The following FDFT1 variants were observed in gnomAD, a reference collection of about 807,000 sequenced individuals.
FDFT1 encodes squalene synthase.
Under a neutral mutation model 46.8 loss-of-function variants are expected in FDFT1, and 68 were observed. The observed-to-expected ratio is 1.45, with a 90% CI of 1.19 to 1.78. The LOEUF (loss-of-function observed/expected upper bound fraction) is 1.78, where lower values mean the gene tolerates loss of function less well. Ranked by LOEUF, FDFT1 falls within the 40% of genes most tolerant of loss-of-function variation. FDFT1 has a pLI of 0.00. For synonymous variants in FDFT1, 351 were observed against 185.1 expected (o/e 1.90, Z -7.28); for missense variants, 928 against 524.4 (o/e 1.77, Z -7.52).
chr8:11,821,356 G>T (rs999968306), intron 3 of FDFT1, among the ~76,000 whole-genome samples: 1 of 152,224 alleles, frequency 6.6e-6, no homozygotes. Flanking sequence ...AGTTTGGGAG[G>T]CCAGGGCTAG....
chr8:11,833,277 A>T (rs946993358), intron 7 of FDFT1, among the ~76,000 whole-genome samples: 1 of 152,144 alleles, frequency 6.6e-6, no homozygotes, highest in Non-Finnish European at 1.5e-5. Flanking sequence ...TCTCAGGGAA[A>T]CTTGAGGCCC....
At chr8:11,804,785 T>C (rs1382547480) in intron 1 of FDFT1, among the ~76,000 whole-genome samples, 1 of 151,932 alleles carries the variant, frequency 6.6e-6, no homozygotes, top group Admixed American at 6.6e-5. Flanking sequence ...TTTTTGGTAT[T>C]TTTAGTAGAG....
At chr8:11,809,457 T>G in intron 2 of FDFT1, 1 of 1,289,392 alleles carries the variant, frequency 7.8e-7, no homozygotes, top group African/African-American at 1.5e-5. Context: ...ACTAGTAGGC[T>G]TTTTAATAAA....
chr8:11,837,312 C>A (rs529414276), intron 7 of FDFT1, among the ~76,000 whole-genome samples: 1 of 152,222 alleles, frequency 6.6e-6, no homozygotes, highest in Non-Finnish European at 1.5e-5. Context: ...ATCACTGCAA[C>A]CTCCACCTCC....
intron 3 of FDFT1, among the ~76,000 whole-genome samples, chr8:11,813,679 AT>A (rs1808042728): frequency 6.6e-6 from 1 of 152,114 alleles, no homozygotes; most frequent in Non-Finnish European, 1.5e-5. Context: ...TCTATGTGGG[AT>A]TTGGCCTTTC....
chr8:11,812,317 A>G (rs935905252), intron 3 of FDFT1, among the ~76,000 whole-genome samples: 6 of 152,190 alleles, frequency 3.9e-5, no homozygotes, highest in African/African-American at 1.4e-4. Flanking sequence ...CCAGGTGGGA[A>G]CGTGCCACCA....
intron 7 of FDFT1, among the ~76,000 whole-genome samples, chr8:11,837,062 G>C (rs1347074542): frequency 1.3e-5 from 2 of 152,230 alleles, no homozygotes; most frequent in East Asian, 3.8e-4. Flanking sequence ...TGGAGCTGCA[G>C]ACAGGTTTTC....
chr8:11,826,408 G>A (rs966293496), intron 5 of FDFT1, among the ~76,000 whole-genome samples, 193 bp downstream of exon 5: 5 of 152,196 alleles, frequency 3.3e-5, no homozygotes, highest in African/African-American at 9.6e-5. Flanking sequence ...TTCACACCAC[G>A]TAATCAGTAT....
intron 4 of FDFT1, 85 bp downstream of exon 4, chr8:11,821,963 G>A (rs71518538): frequency 0.014 from 20,841 of 1,517,368 alleles, 195 homozygotes; most frequent in Middle Eastern, 0.02. Context: ...AAGAAAAGTT[G>A]TCCAGTATTT....
At chr8:11,816,604 C>G (rs1215504868) in intron 3 of FDFT1, among the ~76,000 whole-genome samples, 2 of 152,004 alleles carry the variant, frequency 1.3e-5, no homozygotes, top group Non-Finnish European at 2.9e-5. Flanking sequence ...AGTTGGATTC[C>G]TAGGTGTTGT....
At chr8:11,814,300 GTTTT>G (rs368859890) in intron 3 of FDFT1, among the ~76,000 whole-genome samples, 19 of 138,004 alleles carry the variant, frequency 1.4e-4, no homozygotes, top group Non-Finnish European at 2.2e-4. Context: ...GATTTTATAG[GTTTT>G]TTTTTTTTTT....
At position 11,808,405 on chromosome 8, in the gene FDFT1, G is replaced by C. The variant is rs1028109264; in HGVS notation, c.100-389G>C. The C allele has an allele frequency of 4.0e-6, 5 of 1,238,562 alleles. No homozygotes were observed. In the African/African-American group the frequency reaches 7.8e-5, roughly 19 times the overall value. The allele number at this position is 1,238,562 out of a possible 1,614,324, so 76.7% of individuals were successfully genotyped here. A position where few individuals can be genotyped will look rare whatever the true frequency, so the allele number is the denominator to read the frequency against. On this transcript the variant is annotated intron_variant, in intron 1 of 7. Transcript: ENST00000220584. ...GGGGCTGCGGGGCGGGCCCGTTGTG[G>C]GTCGGCCCAGCGCGTATTCGAGTAG...
chr8:11,808,273 C>T, intron 1 of FDFT1: 4 of 1,216,782 alleles, frequency 3.3e-6, no homozygotes, highest in Non-Finnish European at 4.1e-6. Flanking sequence ...GACGAGCGAG[C>T]CGCTCGGAAG....
At chr8:11,801,639 A>G, upstream of FDFT1, 1 of 218,640 alleles carries the variant, frequency 4.6e-6, no homozygotes, top group South Asian at 5.0e-5. Context: ...AGGTTTTAAA[A>G]GGATTACTGG....
intron 3 of FDFT1, among the ~76,000 whole-genome samples, chr8:11,818,768 C>G (rs1311642525): frequency 6.6e-6 from 1 of 152,034 alleles, no homozygotes; most frequent in African/African-American, 2.4e-5. Context: ...AGACGGGTCT[C>G]CTGAATACAG....
upstream of FDFT1, among the ~76,000 whole-genome samples, chr8:11,797,466 C>G (rs1350831038): frequency 3.3e-5 from 5 of 151,952 alleles, no homozygotes; most frequent in Non-Finnish European, 7.4e-5. Flanking sequence ...TCTTACTCAT[C>G]TTTGTTTTTT....
Position 11,817,694 on chromosome 8 carries a change from G to C in FDFT1, c.382-4056G>C, listed in dbSNP as rs192460718. Among the ~76,000 whole-genome samples, 692 of 152,308 alleles carry C rather than the reference G, an allele frequency of 4.5e-3. 4 individuals are homozygous for C. The highest frequency in any genetic ancestry group is 0.011 in the African/African-American group (464 of 41,558). ...TTCTCCAGTGGTAGTTTGTATTTCT[G>C]TGGGATTGGTGGTGATATCCCCTTT... On this transcript the variant is annotated intron_variant, in intron 3 of 7. Transcript: ENST00000220584.
upstream of FDFT1, among the ~76,000 whole-genome samples, chr8:11,800,512 A>G (rs1158081298): frequency 6.6e-6 from 1 of 152,098 alleles, no homozygotes; most frequent in Non-Finnish European, 1.5e-5. Flanking sequence ...AAGTTTTTAA[A>G]AGAGGCAAAG....
chr8:11,801,214 A>G (rs1420257933), upstream of FDFT1, among the ~76,000 whole-genome samples: 1 of 152,212 alleles, frequency 6.6e-6, no homozygotes, highest in Non-Finnish European at 1.5e-5. Context: ...TGGAGGCCAG[A>G]GAGGTAATCT....
Sources: allele counts gnomAD v4.1 joint callset (sites outside exome capture counted in the v4.1 genomes callset), GRCh38; gene constraint gnomAD v4.1.1; transcripts MANE v1.5; gene names NCBI Gene and HGNC (gene_info 2026-07-23, HGNC 2026-07-21).